Variants in RYR3 observed in about 807,000 individuals in gnomAD.
The protein encoded by RYR3 is ryanodine receptor 3.
Under a neutral mutation model 584.3 loss-of-function variants are expected in RYR3, and 207 were observed. That is an observed-to-expected ratio of 0.35 (90% CI 0.32 to 0.40). RYR3 has a LOEUF of 0.40. Among genes scored for constraint, RYR3 ranks in the 10% least tolerant of loss-of-function variants. RYR3 has a pLI of 1.00. For missense variants in RYR3, 5,616 were observed against 6,089.2 expected (o/e 0.92, Z 2.59); for synonymous variants, 2,416 against 2,248.5 (o/e 1.07, Z -2.11).
At chr15:33,696,524 T>C (rs752282474) in intron 39 of RYR3, 33 bp downstream of exon 39, 30 of 1,604,002 alleles carry the variant, frequency 1.9e-5, no homozygotes, top group Middle Eastern at 3.3e-4. Context: ...CTGTTCTCTC[T>C]AGGAGCTTTA....
At chr15:33,854,195 C>CAAA (rs35238625) in intron 96 of RYR3, among the ~76,000 whole-genome samples, 194 bp from the exon 97 acceptor site, 95 of 138,074 alleles carry the variant, frequency 6.9e-4, no homozygotes, top group South Asian at 3.2e-3. Context: ...GACTCCGTTT[C>CAAA]AAAAAAAAAA....
rs374170213 is a variant in RYR3, at chr15:33,699,841, A to G, written c.6379+8A>G. On this transcript the variant is annotated splice_region_variant and intron_variant, in intron 41 of 103. Transcript: ENST00000634891. The stretch of plus-strand genomic sequence containing the variant: ...ATAGCAGTGTTGGCCTAGGTGCGTA[A>G]GTCTTCTTGTAACTTCCACATCCAA... 6.2e-7 allele frequency: 1 copy of G among 1,607,382 alleles called. No homozygotes were observed. Among genetic ancestry groups the G allele is most frequent in the Non-Finnish European group, 8.5e-7 (1 of 1,174,856 alleles).
chr15:33,349,892 A>G (rs1294182828), intron 1 of RYR3, among the ~76,000 whole-genome samples: 4 of 151,340 alleles, frequency 2.6e-5, no homozygotes, highest in African/African-American at 7.3e-5. Flanking sequence ...ATGATTTCCA[A>G]TCTCATCCAT....
chr15:33,570,045 T>A (rs998851824), intron 12 of RYR3, among the ~76,000 whole-genome samples: 2 of 152,160 alleles, frequency 1.3e-5, no homozygotes, highest in Non-Finnish European at 2.9e-5. Flanking sequence ...TCATTTTTTT[T>A]AAATGGTGTC....
intron 52 of RYR3, among the ~76,000 whole-genome samples, chr15:33,744,118 C>T (rs759041088): frequency 2.6e-5 from 4 of 152,094 alleles, no homozygotes; most frequent in South Asian, 2.1e-4. Flanking sequence ...GCCAGATACC[C>T]GCCTGTACTC....
chr15:33,411,463 A>G (rs2043402550), intron 1 of RYR3, among the ~76,000 whole-genome samples: 1 of 152,226 alleles, frequency 6.6e-6, no homozygotes, highest in South Asian at 2.1e-4. Context: ...CTGTGGCCAC[A>G]TGGATGTGAG....
At chr15:33,860,787 G>A (rs1887894064) in intron 101 of RYR3, 128 bp downstream of exon 101, 6 of 774,738 alleles carry the variant, frequency 7.7e-6, no homozygotes, top group African/African-American at 3.6e-5. Context: ...TGTTTTCCAT[G>A]CCCTGTTCTC....
chr15:33,798,947 A>G (rs2075772030), intron 67 of RYR3, among the ~76,000 whole-genome samples: 2 of 152,090 alleles, frequency 1.3e-5, no homozygotes, highest in South Asian at 2.1e-4. Flanking sequence ...GCTACCCACA[A>G]CAATTCATTC....
intron 65 of RYR3, among the ~76,000 whole-genome samples, chr15:33,781,785 T>C (rs766399403): frequency 1.4e-5 from 2 of 147,114 alleles, no homozygotes; most frequent in Non-Finnish European, 3.0e-5. Context: ...ATGAAATCTA[T>C]AAGTTAACCT....
At chr15:33,668,388 T>G (rs1008111812) in intron 36 of RYR3, among the ~76,000 whole-genome samples, 1 of 151,922 alleles carries the variant, frequency 6.6e-6, no homozygotes, top group Non-Finnish European at 1.5e-5. Flanking sequence ...GGCCAATACA[T>G]GTAGAGTATA....
At chr15:33,645,732 C>A (rs1341937979) in intron 28 of RYR3, among the ~76,000 whole-genome samples, 2 of 152,178 alleles carry the variant, frequency 1.3e-5, no homozygotes, top group Non-Finnish European at 2.9e-5. Flanking sequence ...TCTCCACACA[C>A]AAATTGCAAA....
At chr15:33,632,851 TTTGC>T in intron 23 of RYR3, 94 bp from the exon 24 acceptor site, 1 of 1,029,110 alleles carries the variant, frequency 9.7e-7, no homozygotes, top group South Asian at 1.6e-5. Flanking sequence ...TGTAGCCTTA[TTTGC>T]GTAGCGTTCT....
At chr15:33,797,206 C>T (rs1007429937) in intron 67 of RYR3, among the ~76,000 whole-genome samples, 15 of 152,140 alleles carry the variant, frequency 9.9e-5, no homozygotes, top group African/African-American at 2.7e-4. Context: ...CTCATGGTTA[C>T]CTCTAAACCC....
At chr15:33,567,303 C>A (rs1385223600) in intron 12 of RYR3, among the ~76,000 whole-genome samples, 2 of 152,156 alleles carry the variant, frequency 1.3e-5, no homozygotes, top group Non-Finnish European at 2.9e-5. Context: ...CATAATCCCT[C>A]CAGTCTAAAT....
chr15:33,734,271 G>T (rs1029642722), intron 48 of RYR3, among the ~76,000 whole-genome samples: 1 of 152,094 alleles, frequency 6.6e-6, no homozygotes, highest in African/African-American at 2.4e-5. Flanking sequence ...GAATATTTTT[G>T]ATCTTTCAAG....
At chr15:33,558,432 A>C (rs1323567665) in intron 10 of RYR3, among the ~76,000 whole-genome samples, 1 of 151,312 alleles carries the variant, frequency 6.6e-6, no homozygotes, top group Non-Finnish European at 1.5e-5. Flanking sequence ...TGAACTCATC[A>C]TTTTTTATGG....
At chr15:33,836,818 C>A in intron 87 of RYR3, 88 bp from the exon 88 acceptor site, 2 of 1,020,586 alleles carry the variant, frequency 2.0e-6, no homozygotes, top group Admixed American at 2.0e-5. Context: ...CTGCACCTAA[C>A]CTTTCCAGAG....
chr15:33,707,092 A>G, intron 43 of RYR3, 38 bp downstream of exon 43: 2 of 1,610,052 alleles, frequency 1.2e-6, no homozygotes, highest in Non-Finnish European at 1.7e-6. Flanking sequence ...TATACCCAGA[A>G]TAGCATGATC....
chr15:33,818,238 C>T (rs561981798), intron 75 of RYR3, among the ~76,000 whole-genome samples: 3 of 152,128 alleles, frequency 2.0e-5, no homozygotes, highest in Non-Finnish European at 2.9e-5. Flanking sequence ...CTCCTGAACT[C>T]GGGTGCCCAG....
Sources: gnomAD v4.1 joint callset for allele counts (sites outside exome capture counted in the v4.1 genomes callset) on GRCh38, gnomAD v4.1.1 for gene constraint, MANE v1.5 for transcripts, NCBI Gene and HGNC (gene_info 2026-07-23, HGNC 2026-07-21) for gene names.